RAB19: variants seen among roughly 807,000 people sequenced by gnomAD.
RAB19 encodes the protein RAB19, member RAS oncogene family, also known as ras-related protein Rab-19.
Under a neutral mutation model 17.3 loss-of-function variants are expected in RAB19, and 21 were observed. The observed-to-expected ratio is 1.21, with a 90% CI of 0.86 to 1.74. RAB19 has a LOEUF of 1.74. Among genes scored for constraint, RAB19 ranks in the 40% most tolerant of loss-of-function variants. The pLI is 0.00. For synonymous variants in RAB19, 126 were observed against 110.4 expected (o/e 1.14, Z -0.88); for missense variants, 277 against 286.8 (o/e 0.97, Z 0.25).
Position 140,409,284 on chromosome 7 carries a change from A to G in RAB19, c.201+1437A>G, listed in dbSNP as rs1461651248. On this transcript the variant is annotated intron_variant, in intron 2 of 3. Coordinates refer to ENST00000537763, the MANE Select transcript of RAB19 (RefSeq NM_001008749.3). Reference sequence around the variant, plus strand: ...GAGGCTGAGGTACAAGAATCTCTCAAACCTGGGAGGCAGAGGTTACAGTGA... The same window carrying G: ...GAGGCTGAGGTACAAGAATCTCTCAGACCTGGGAGGCAGAGGTTACAGTGA... Among the ~76,000 whole-genome samples, 5 of 152,020 alleles carry G rather than the reference A, an allele frequency of 3.3e-5. No homozygotes were observed. The East Asian group carries it at 7.8e-4, about 24-fold the overall frequency.
chr7:140,406,248 C>CAAAAAAAAAAAAAAAAAAAAGAAA (rs1799239225), intron 1 of RAB19, among the ~76,000 whole-genome samples: 1 of 80,946 alleles, frequency 1.2e-5, no homozygotes, highest in African/African-American at 5.1e-5. Flanking sequence ...AACTCTGTCT[C>CAAAAAAAAAAAAAAAAAAAAGAAA]AAAAAAAAAA....
chr7:140,424,657 G>A lies in RAB19; in HGVS notation c.386-1225G>A, dbSNP rs986881184. On this transcript the variant is annotated intron_variant, in intron 3 of 3. Coordinates refer to ENST00000537763, the MANE Select transcript of RAB19 (RefSeq NM_001008749.3). ...TATATATATGTGTGTGTGTATATAT[G>A]TGTGTGTATATATATATATATATAT... 7.6e-3 allele frequency among the ~76,000 whole-genome samples: 618 copies of A among 81,668 alleles called. 5 individuals carry two copies. Among genetic ancestry groups the A allele is most frequent in the African/African-American group, 0.041 (555 of 13,700 alleles). The allele number at this position is 81,668 out of a possible 152,430, so 53.6% of individuals were successfully genotyped here. A position where few individuals can be genotyped will look rare whatever the true frequency, so the allele number is the denominator to read the frequency against.
intron 3 of RAB19, among the ~76,000 whole-genome samples, chr7:140,422,495 A>G (rs1799578710): frequency 6.6e-6 from 1 of 152,104 alleles, no homozygotes; most frequent in Admixed American, 6.6e-5. Flanking sequence ...CCATTGATCT[A>G]GTCCATTCAT....
chr7:140,413,639 C>G (rs1211080458), intron 3 of RAB19, among the ~76,000 whole-genome samples: 1 of 152,050 alleles, frequency 6.6e-6, no homozygotes, highest in African/African-American at 2.4e-5. Context: ...GAATTTGAGG[C>G]TGCAGTGAGC....
At chr7:140,410,487 C>T (rs1460404754) in intron 2 of RAB19, among the ~76,000 whole-genome samples, 4 of 151,862 alleles carry the variant, frequency 2.6e-5, no homozygotes, top group East Asian at 1.9e-4. Flanking sequence ...CCACGGCGCC[C>T]GGCTAATTTT....
At position 140,407,637 on chromosome 7, in the gene RAB19, G is replaced by C; in HGVS notation, c.-10G>C. 1 of 1,613,732 alleles carries C rather than the reference G, an allele frequency of 6.2e-7. No homozygotes were observed. Among genetic ancestry groups the C allele is most frequent in the South Asian group, 1.1e-5 (1 of 91,060 alleles). ...CTTTCTTCCTAGTTCTGTTCTAGGT[G>C]GCAAGAACCATGCACTTCTCCAGCT... On this transcript the variant is annotated 5_prime_UTR_variant, in exon 2 of 4. Transcript: ENST00000537763.
At position 140,426,456 on chromosome 7, in the gene RAB19, C is replaced by T. The variant is rs1292465658; in HGVS notation, c.*306C>T. Among the ~76,000 whole-genome samples the T allele has an allele frequency of 6.6e-6, 1 of 152,156 alleles. No individual in the cohort carries two copies. The highest frequency in any genetic ancestry group is 2.4e-5 in the African/African-American group (1 of 41,446). On this transcript the variant is annotated 3_prime_UTR_variant, in exon 4 of 4. Coordinates refer to ENST00000537763, the MANE Select transcript of RAB19 (RefSeq NM_001008749.3). ...TCTCCCCTTTCACTTTTCTGTCTCCCTAGAGCTTCTGCTGCTTTCTACTGA... is the reference window on the plus strand; with the variant it reads ...TCTCCCCTTTCACTTTTCTGTCTCCTTAGAGCTTCTGCTGCTTTCTACTGA...
intron 3 of RAB19, among the ~76,000 whole-genome samples, chr7:140,418,431 G>A (rs1799500345): frequency 6.6e-6 from 1 of 150,712 alleles, no homozygotes; most frequent in Admixed American, 6.6e-5. Flanking sequence ...AATTAGCCGG[G>A]CGTGGCAGTA....
chr7:140,413,612 G>A (rs1186642761), intron 3 of RAB19, among the ~76,000 whole-genome samples: 1 of 152,114 alleles, frequency 6.6e-6, no homozygotes, highest in African/African-American at 2.4e-5. Context: ...GGGGTGGGGG[G>A]AATCACTTGA....
At chr7:140,423,664 C>T (rs538372405) in intron 3 of RAB19, among the ~76,000 whole-genome samples, 22 of 151,982 alleles carry the variant, frequency 1.4e-4, no homozygotes, top group Non-Finnish European at 2.8e-4. Flanking sequence ...TTAGCAGGGG[C>T]GGAGGACCGG....
At chr7:140,420,168 C>T (rs1180730290) in intron 3 of RAB19, among the ~76,000 whole-genome samples, 5 of 152,024 alleles carry the variant, frequency 3.3e-5, no homozygotes, top group African/African-American at 1.2e-4. Flanking sequence ...TGCCTGTAAT[C>T]CCAGCACTTT....
intron 2 of RAB19, 182 bp from the exon 3 acceptor site, chr7:140,411,692 A>G (rs1358326160): frequency 2.2e-6 from 3 of 1,386,330 alleles, no homozygotes; most frequent in South Asian, 1.5e-5. Context: ...ACCAAGGAGG[A>G]TATCCAAGTC....
At chr7:140,412,113 C>G (rs1799377280) in intron 3 of RAB19, 56 bp downstream of exon 3, 1 of 1,491,792 alleles carries the variant, frequency 6.7e-7, no homozygotes, top group Non-Finnish European at 9.2e-7. Context: ...GGATGCTCAG[C>G]TTTCTGCATG....
At chr7:140,415,665 C>A (rs1799442767) in intron 3 of RAB19, among the ~76,000 whole-genome samples, 1 of 152,162 alleles carries the variant, frequency 6.6e-6, no homozygotes, top group South Asian at 2.1e-4. Context: ...TGAATAAAAT[C>A]TTCAATGCTG....
At chr7:140,411,648 G>C (rs1321944265) in intron 2 of RAB19, among the ~76,000 whole-genome samples, 1 of 152,144 alleles carries the variant, frequency 6.6e-6, no homozygotes, top group African/African-American at 2.4e-5. Flanking sequence ...TGGGTTGCGG[G>C]TTGGACAAGC....
rs955715252 is a variant in RAB19 at position 140,408,185 on chromosome 7, A to G, written c.201+338A>G. 3.3e-5 allele frequency among the ~76,000 whole-genome samples: 5 copies of G among 151,558 alleles called. No individual in the cohort carries two copies. The East Asian group carries it at 7.8e-4, about 24-fold the overall frequency. ...CAGGTGTGAGCCACCGCGCCTGGCC[A>G]GTTCCACCTTTTTTAGCCAGAATTC... is the stretch of plus-strand genomic sequence containing the variant. On this transcript the variant is annotated intron_variant, in intron 2 of 3. Coordinates refer to ENST00000537763, the MANE Select transcript of RAB19 (RefSeq NM_001008749.3).
At chr7:140,423,775 G>A (rs1337117743) in intron 3 of RAB19, among the ~76,000 whole-genome samples, 1 of 152,228 alleles carries the variant, frequency 6.6e-6, no homozygotes, top group East Asian at 1.9e-4. Flanking sequence ...ATCTACGCAT[G>A]TGATCAAATT....
chr7:140,419,750 C>T (rs1799524825), intron 3 of RAB19, among the ~76,000 whole-genome samples: 2 of 152,168 alleles, frequency 1.3e-5, no homozygotes, highest in Admixed American at 6.6e-5. Flanking sequence ...GTACTCCCAT[C>T]AGCAGTGTGT....
At chr7:140,415,221 C>T (rs777110386) in intron 3 of RAB19, among the ~76,000 whole-genome samples, 17 of 151,956 alleles carry the variant, frequency 1.1e-4, no homozygotes, top group Non-Finnish European at 4.4e-5. Flanking sequence ...ATTACAGGCA[C>T]CTGCCATCAC....
Sources: allele counts gnomAD v4.1 joint callset (sites outside exome capture counted in the v4.1 genomes callset), GRCh38; gene constraint gnomAD v4.1.1; transcripts MANE v1.5; gene names NCBI Gene and HGNC (gene_info 2026-07-23, HGNC 2026-07-21).